The following MEIOB variants were observed in gnomAD, a reference collection of about 807,000 sequenced individuals.
MEIOB encodes the protein meiosis specific with OB-fold.
MEIOB carries 50 observed loss-of-function variants against 53.1 expected under a neutral mutation model. That is an observed-to-expected ratio of 0.94 (90% CI 0.75 to 1.19). The LOEUF (loss-of-function observed/expected upper bound fraction) is 1.19. MEIOB is among the 50% of genes most tolerant of loss of function. The pLI, the probability that MEIOB is intolerant of heterozygous loss-of-function variation, is 0.00. For missense variants in MEIOB, 551 were observed against 550.8 expected (o/e 1.00, Z 0.00); for synonymous variants, 192 against 182.5 (o/e 1.05, Z -0.42).
At chr16:1,858,654 A>C (rs1899367813) in intron 5 of MEIOB, among the ~76,000 whole-genome samples, 1 of 152,214 alleles carries the variant, frequency 6.6e-6, no homozygotes, top group South Asian at 2.1e-4. Context: ...ACCAGTCACA[A>C]AGGAAATAAC....
chr16:1,845,134 A>G (rs941075235), intron 9 of MEIOB, among the ~76,000 whole-genome samples, 171 bp from the exon 10 acceptor site: 16 of 152,256 alleles, frequency 1.1e-4, no homozygotes, highest in Non-Finnish European at 2.4e-4. Flanking sequence ...AAACATAGAG[A>G]GATGTACACC....
At chr16:1,834,416 CT>C in intron 13 of MEIOB, 50 bp from the exon 14 acceptor site, 1 of 982,176 alleles carries the variant, frequency 1.0e-6, no homozygotes, top group Non-Finnish European at 1.6e-6. Flanking sequence ...TTAAAATCCC[CT>C]TGTATATCAA....
chr16:1,866,154 A>C (rs1899588496), intron 2 of MEIOB, among the ~76,000 whole-genome samples: 1 of 152,242 alleles, frequency 6.6e-6, no homozygotes, highest in Admixed American at 6.5e-5. Flanking sequence ...GAATTCATCC[A>C]AAGCACATGT....
chr16:1,837,586 T>A (rs1898784286), intron 13 of MEIOB, 198 bp downstream of exon 13: 1 of 387,300 alleles, frequency 2.6e-6, no homozygotes, highest in African/African-American at 2.1e-5. Context: ...TTCTTTGATG[T>A]CTTTGGTAAC....
chr16:1,847,599 AGAGGG>A (rs987332955), intron 9 of MEIOB, among the ~76,000 whole-genome samples: 65 of 149,212 alleles, frequency 4.4e-4, no homozygotes, highest in African/African-American at 2.5e-4. Flanking sequence ...AGAAAAGAGA[AGAGGG>A]GAGGGGAGGG....
At position 1,857,775 on chromosome 16, in the gene MEIOB, A is replaced by C; in HGVS notation, c.488T>G (p.Leu163Arg). The C allele has an allele frequency of 6.4e-7, 1 of 1,551,984 alleles. No homozygotes were observed. Among genetic ancestry groups the C allele is most frequent in the Non-Finnish European group, 8.7e-7 (1 of 1,147,012 alleles). Residue 163 changes from leucine (L) to arginine (R), a missense_variant, in exon 6 of 14, where the codon CTT becomes CGT. Coordinates refer to ENST00000325962, the MANE Select transcript of MEIOB (RefSeq NM_001163560.3). The stretch of plus-strand genomic sequence containing the variant: ...AAGCACGTTAATAATCCTCCCATTA[A>C]GACTGTGTCCATTTGCAACAATGTC... Reference protein sequence around the residue: ...LGDIVANGHSLNGRIINVLAA... With the variant: ...LGDIVANGHSRNGRIINVLAA...
At chr16:1,864,767 C>G (rs1899542517) in intron 3 of MEIOB, among the ~76,000 whole-genome samples, 1 of 151,988 alleles carries the variant, frequency 6.6e-6, no homozygotes, top group Non-Finnish European at 1.5e-5. Flanking sequence ...GGATTACAGG[C>G]GTGACCACTG....
rs758440898 is a variant in MEIOB, at chr16:1,839,285, TC to T, written c.1187del (p.Gly396GlufsTer18). ...AGCCCAAAGTCTCCTCAGCAACACTTCCTGTGAGACTACAGGAATGAAGGGT... is the reference window on the plus strand; with the variant it reads ...AGCCCAAAGTCTCCTCAGCAACACTTCTGTGAGACTACAGGAATGAAGGGT... ...TGTLHSCSLT[G>X]SVAEETLGCT... On this transcript the variant is annotated frameshift_variant, in exon 12 of 14. Coordinates refer to ENST00000325962, the MANE Select transcript of MEIOB (RefSeq NM_001163560.3). LOFTEE classifies it high-confidence loss of function. 2 of 1,613,598 alleles carry T rather than the reference TC, an allele frequency of 1.2e-6. No individual in the cohort carries two copies. The highest frequency in any genetic ancestry group is 1.7e-5 in the Admixed American group (1 of 59,844).
chr16:1,869,005 T>G (rs1355359632), intron 1 of MEIOB, among the ~76,000 whole-genome samples: 1 of 152,214 alleles, frequency 6.6e-6, no homozygotes, highest in Non-Finnish European at 1.5e-5. Flanking sequence ...TTTATAATTT[T>G]GAATGATATA....
rs780207847 is a variant in MEIOB at position 1,834,226 on chromosome 16, C to CT, written c.*29dup. On this transcript the variant is annotated 3_prime_UTR_variant, in exon 14 of 14. Transcript: ENST00000325962. ...TTTAAAGGGAGTTAAAACTCTTATA[C>CT]TTTTCCAGAGTTCAAAATGATAGAC... 140 of 1,219,168 alleles carry CT rather than the reference C, an allele frequency of 1.1e-4. No individual in the cohort carries two copies. The African/African-American group carries it at 2.0e-3, about 18-fold the overall frequency. The allele number at this position is 1,219,168 out of a possible 1,614,324, so 75.5% of individuals were successfully genotyped here.
chr16:1,860,572 G>C (rs1340770805), intron 4 of MEIOB, 97 bp from the exon 5 acceptor site: 1 of 693,472 alleles, frequency 1.4e-6, no homozygotes, highest in African/African-American at 1.8e-5. Flanking sequence ...GATCATCATC[G>C]ACTCTAGGCT....
chr16:1,837,619 C>A (rs371218638), intron 13 of MEIOB, 165 bp downstream of exon 13: 46 of 474,038 alleles, frequency 9.7e-5, no homozygotes, highest in East Asian at 7.5e-4. Flanking sequence ...TATGAAAAAA[C>A]CCCTGGCTAT....
chr16:1,860,054 T>C lies in MEIOB; in HGVS notation c.332+349A>G, dbSNP rs567821407. On this transcript the variant is annotated intron_variant, in intron 5 of 13. Coordinates refer to ENST00000325962, the MANE Select transcript of MEIOB (RefSeq NM_001163560.3). ...TCTCAAGCTCTGCTTCGAAGGAATC[T>C]GCCCTAAGATGGTAAGCCTGTGAGT... Among the ~76,000 whole-genome samples the C allele has an allele frequency of 1.2e-4, 19 of 152,348 alleles. No individual in the cohort carries two copies. In the South Asian group the frequency reaches 1.4e-3, roughly 12 times the overall value.
At chr16:1,871,728 G>A (rs950331443) in intron 1 of MEIOB, among the ~76,000 whole-genome samples, 7 of 147,274 alleles carry the variant, frequency 4.8e-5, no homozygotes, top group Non-Finnish European at 1.0e-4. Context: ...TTGCACCTGA[G>A]GTGGGCAGAT....
chr16:1,841,561 C>A (rs572243067), intron 11 of MEIOB, among the ~76,000 whole-genome samples: 6 of 152,244 alleles, frequency 3.9e-5, no homozygotes, highest in Non-Finnish European at 8.8e-5. Context: ...AATCATTAGA[C>A]AAGTTTGTCA....
intron 10 of MEIOB, among the ~76,000 whole-genome samples, chr16:1,843,179 C>G (rs935036129): frequency 6.6e-6 from 1 of 151,114 alleles, no homozygotes; most frequent in Non-Finnish European, 1.5e-5. Context: ...TGTCGTCCCA[C>G]CTACTCCAGA....
Position 1,842,453 on chromosome 16 carries a change from T to TAAA in MEIOB, c.881-483_881-481dup, listed in dbSNP as rs74460539. 1.1e-3 allele frequency among the ~76,000 whole-genome samples: 142 copies of TAAA among 124,740 alleles called. 1 individual carries two copies. The highest frequency in any genetic ancestry group is 3.5e-3 in the African/African-American group (115 of 32,638). 81.8% of individuals were successfully genotyped at this position (124,740 alleles called of 152,430 possible). A position where few individuals can be genotyped will look rare whatever the true frequency, so the allele number is the denominator to read the frequency against. ...AACATGGAGAAACACTGTCTCTACT[T>TAAA]AAAAAAAAAAAAAAAAAAAATTAGC... On this transcript the variant is annotated intron_variant, in intron 10 of 13. Transcript: ENST00000325962.
At chr16:1,864,486 TC>T (rs754595588) in intron 3 of MEIOB, among the ~76,000 whole-genome samples, 15,723 of 114,458 alleles carry the variant, frequency 0.14, 1,248 homozygotes, top group South Asian at 0.26. Context: ...CTTTTTCTTT[TC>T]TTTTTTTTTT....
chr16:1,844,168 A>G (rs1010497057), intron 10 of MEIOB, among the ~76,000 whole-genome samples: 5 of 146,052 alleles, frequency 3.4e-5, no homozygotes, highest in African/African-American at 1.3e-4. Flanking sequence ...TGTTGCCCAG[A>G]CTGGAGTACA....
Sources: allele counts gnomAD v4.1 joint callset (sites outside exome capture counted in the v4.1 genomes callset), GRCh38; gene constraint gnomAD v4.1.1; transcripts MANE v1.5; gene names NCBI Gene and HGNC (gene_info 2026-07-23, HGNC 2026-07-21).